The following GTF2E2 variants were observed in gnomAD, a reference collection of about 807,000 sequenced individuals.
The protein encoded by GTF2E2 is general transcription factor IIE subunit 2.
GTF2E2 carries 21 observed loss-of-function variants against 40.5 expected under a neutral mutation model. The observed-to-expected ratio is 0.52, with a 90% CI of 0.37 to 0.75. The LOEUF (loss-of-function observed/expected upper bound fraction) is 0.75, where lower values mean the gene tolerates loss of function less well. Among genes scored for constraint, GTF2E2 ranks in the 30% least tolerant of loss-of-function variants. The pLI, the probability that GTF2E2 is intolerant of heterozygous loss-of-function variation, is 0.00. For synonymous variants in GTF2E2, 117 were observed against 121.6 expected, an observed-to-expected ratio of 0.96 and a Z score of 0.25; for missense variants, 298 against 338.4, an observed-to-expected ratio of 0.88 and a Z score of 0.94.
intron 6 of GTF2E2, chr8:30,585,106 A>C (rs1828634176): frequency 6.6e-6 from 1 of 152,426 alleles, no homozygotes; most frequent in Non-Finnish European, 1.5e-5. Context: ...GAATCGCTTG[A>C]GTCCGGAAGG....
intron 2 of GTF2E2, among the ~76,000 whole-genome samples, chr8:30,650,957 T>C (rs1403098739): frequency 6.9e-6 from 1 of 144,272 alleles, no homozygotes; most frequent in African/African-American, 2.6e-5. Context: ...GAGCTTGCAC[T>C]GAGCTGAGAT....
At chr8:30,647,759 T>C (rs557236514) in intron 2 of GTF2E2, among the ~76,000 whole-genome samples, 2 of 152,362 alleles carry the variant, frequency 1.3e-5, no homozygotes, top group South Asian at 4.1e-4. Flanking sequence ...TAAAACCATA[T>C]ACATTTTCAC....
chr8:30,609,868 G>C (rs184517022), intron 5 of GTF2E2, among the ~76,000 whole-genome samples: 196 of 152,120 alleles, frequency 1.3e-3, no homozygotes, highest in African/African-American at 4.6e-3. Context: ...ACTCTCTCTT[G>C]CTCCTGCTCC....
At chr8:30,579,244 C>T (rs1340113491) in intron 7 of GTF2E2, among the ~76,000 whole-genome samples, 1 of 152,074 alleles carries the variant, frequency 6.6e-6, no homozygotes, top group Non-Finnish European at 1.5e-5. Context: ...CAGATGCCAT[C>T]GGGAATGAAG....
At chr8:30,627,040 A>T (rs2151141030) in intron 3 of GTF2E2, among the ~76,000 whole-genome samples, 1 of 152,332 alleles carries the variant, frequency 6.6e-6, no homozygotes, top group South Asian at 2.1e-4. Context: ...AGTGGATAGA[A>T]TCACACCACT....
intron 2 of GTF2E2, among the ~76,000 whole-genome samples, chr8:30,637,755 C>T (rs1331511732): frequency 1.3e-5 from 2 of 152,136 alleles, no homozygotes; most frequent in Admixed American, 1.3e-4. Context: ...ACTCCTGACC[C>T]TGTGATCCAC....
At chr8:30,622,714 A>AC (rs34532218) in intron 3 of GTF2E2, among the ~76,000 whole-genome samples, 1 of 151,814 alleles carries the variant, frequency 6.6e-6, no homozygotes, top group African/African-American at 2.4e-5. Context: ...CTACAGACCT[A>AC]CCCCCAGGCA....
At chr8:30,631,943 A>C (rs1801448007) in intron 3 of GTF2E2, among the ~76,000 whole-genome samples, 1 of 152,102 alleles carries the variant, frequency 6.6e-6, no homozygotes, top group African/African-American at 2.4e-5. Flanking sequence ...CCCTGTCTCT[A>C]CAAAAAAAAT....
At chr8:30,605,181 G>A (rs1277626008) in intron 6 of GTF2E2, among the ~76,000 whole-genome samples, 2 of 152,154 alleles carry the variant, frequency 1.3e-5, no homozygotes, top group Non-Finnish European at 2.9e-5. Flanking sequence ...ACACTATGCT[G>A]CCATCTGCAG....
chr8:30,581,740 A>G (rs1429590034), intron 6 of GTF2E2, among the ~76,000 whole-genome samples: 2 of 152,238 alleles, frequency 1.3e-5, no homozygotes, highest in Non-Finnish European at 2.9e-5. Context: ...AACTGTGTGC[A>G]TGATTGTCTC....
At chr8:30,657,371 CCT>C (rs1287121580) in intron 1 of GTF2E2, among the ~76,000 whole-genome samples, 1 of 152,162 alleles carries the variant, frequency 6.6e-6, no homozygotes, top group African/African-American at 2.4e-5. Context: ...CACCATTCGA[CCT>C]CTTTCAACCT....
chr8:30,633,405 A>G (rs1056563650), intron 3 of GTF2E2, among the ~76,000 whole-genome samples: 2 of 152,208 alleles, frequency 1.3e-5, no homozygotes, highest in African/African-American at 4.8e-5. Flanking sequence ...TTTAAAAGTG[A>G]TATATTTTAT....
At chr8:30,625,817 T>C (rs1801255793) in intron 3 of GTF2E2, among the ~76,000 whole-genome samples, 2 of 152,280 alleles carry the variant, frequency 1.3e-5, no homozygotes, top group South Asian at 2.1e-4. Context: ...CAGGCTGGTC[T>C]CAAACTCCTG....
At chr8:30,652,375 AG>A (rs1455109639) in intron 2 of GTF2E2, among the ~76,000 whole-genome samples, 1 of 152,170 alleles carries the variant, frequency 6.6e-6, no homozygotes, top group Non-Finnish European at 1.5e-5. Flanking sequence ...CAATAGAGAG[AG>A]GAAATATACC....
intron 5 of GTF2E2, among the ~76,000 whole-genome samples, chr8:30,609,593 C>T (rs1378699231): frequency 1.3e-5 from 2 of 152,068 alleles, no homozygotes; most frequent in Non-Finnish European, 2.9e-5. Flanking sequence ...CAAGGTAATC[C>T]CTATCAAAAT....
At chr8:30,612,166 A>C (rs1224263426) in intron 5 of GTF2E2, 133 bp downstream of exon 5, 15 of 554,110 alleles carry the variant, frequency 2.7e-5, no homozygotes, top group Non-Finnish European at 2.2e-5. Flanking sequence ...TCAAACCTTC[A>C]AGTGGCTCAC....
chr8:30,632,226 A>T (rs1472933088), intron 3 of GTF2E2, among the ~76,000 whole-genome samples: 1 of 152,270 alleles, frequency 6.6e-6, no homozygotes, highest in Non-Finnish European at 1.5e-5. Context: ...TGTTTAAATT[A>T]TTACAAAAAT....
Position 30,606,674 on chromosome 8 carries a change from A to C in GTF2E2, c.643+383T>G, listed in dbSNP as rs187432798. Among the ~76,000 whole-genome samples, 103 of 152,334 alleles carry C rather than the reference A, an allele frequency of 6.8e-4. 1 individual carries two copies. The highest frequency in any genetic ancestry group is 1.2e-3 in the Non-Finnish European group (82 of 68,018). ...CAATTTGATAACTGAAAGATTCATA[A>C]GATAAGAGAACACTATTCACCAATA... On this transcript the variant is annotated intron_variant, in intron 6 of 7. Transcript: ENST00000355904.
chr8:30,656,025 GCTGAT>G (rs909915815), intron 1 of GTF2E2, among the ~76,000 whole-genome samples: 9 of 152,142 alleles, frequency 5.9e-5, no homozygotes, highest in African/African-American at 2.2e-4. Context: ...TGTTGGCCAA[GCTGAT>G]CTTGAACTCC....
Sources: allele counts gnomAD v4.1 joint callset (sites outside exome capture counted in the v4.1 genomes callset), GRCh38; gene constraint gnomAD v4.1.1; transcripts MANE v1.5; gene names NCBI Gene and HGNC (gene_info 2026-07-23, HGNC 2026-07-21).